Variants in LURAP1L observed in about 807,000 individuals in gnomAD.
LURAP1L encodes leucine rich adaptor protein 1 like.
Under a neutral mutation model 13.8 loss-of-function variants are expected in LURAP1L, and 12 were observed. The observed-to-expected ratio is 0.87, with a 90% CI of 0.56 to 1.41. LURAP1L has a LOEUF of 1.41. Ranked by LOEUF, LURAP1L falls within the 40% of genes most tolerant of loss-of-function variation. The pLI is 0.00. For missense variants in LURAP1L, 375 were observed against 292.9 expected (o/e 1.28, Z -2.04); for synonymous variants, 139 against 119.2 (o/e 1.17, Z -1.08).
chr9:12,786,973 A>G (rs1437281877), intron 1 of LURAP1L, among the ~76,000 whole-genome samples: 3 of 152,110 alleles, frequency 2.0e-5, no homozygotes, highest in African/African-American at 4.8e-5. Context: ...TGAGCAGAAT[A>G]AAGTTGTTAT....
intron 1 of LURAP1L, among the ~76,000 whole-genome samples, chr9:12,810,593 G>A (rs571939172): frequency 3.1e-4 from 47 of 152,188 alleles, no homozygotes; most frequent in African/African-American, 9.6e-4. Flanking sequence ...ATATTTATTA[G>A]ATAAATTAAT....
In LURAP1L at chr9:12,787,882, C is replaced by A. The variant is rs759383442; in HGVS notation, c.312+11855C>A. On this transcript the variant is annotated intron_variant, in intron 1 of 1. Coordinates refer to ENST00000319264, the MANE Select transcript of LURAP1L (RefSeq NM_203403.2). ...AATCCCAGCACTTTGGGGGTTGAGG[C>A]AGGTAGATCACTAGAAGTCAGGAAT... 1.1e-3 allele frequency among the ~76,000 whole-genome samples: 166 copies of A among 151,950 alleles called. 3 individuals carry two copies. Among genetic ancestry groups the A allele is most frequent in the Admixed American group, 3.3e-4 (5 of 15,228 alleles).
chr9:12,819,255 A>ATTG (rs1819842758), intron 1 of LURAP1L, among the ~76,000 whole-genome samples: 1 of 152,200 alleles, frequency 6.6e-6, no homozygotes, highest in Non-Finnish European at 1.5e-5. Context: ...GACTCAAGTC[A>ATTG]CTTCAGTATT....
intron 1 of LURAP1L, among the ~76,000 whole-genome samples, chr9:12,808,962 G>A (rs529723492): frequency 1.3e-5 from 2 of 152,260 alleles, no homozygotes; most frequent in African/African-American, 2.4e-5. Flanking sequence ...TGTACAGGAA[G>A]CAAGGTGCCA....
At chr9:12,781,500 C>T (rs1563885978) in intron 1 of LURAP1L, among the ~76,000 whole-genome samples, 1 of 152,168 alleles carries the variant, frequency 6.6e-6, no homozygotes, top group African/African-American at 2.4e-5. Context: ...ATAAGTGAGA[C>T]CACGCCAAGT....
intron 1 of LURAP1L, among the ~76,000 whole-genome samples, chr9:12,787,306 T>C (rs965836152): frequency 5.3e-5 from 8 of 152,160 alleles, no homozygotes; most frequent in Non-Finnish European, 8.8e-5. Flanking sequence ...TTCTGAGAAG[T>C]TCATGACGCA....
chr9:12,806,742 G>A (rs1273280537), intron 1 of LURAP1L, among the ~76,000 whole-genome samples: 4 of 151,000 alleles, frequency 2.6e-5, no homozygotes, highest in Non-Finnish European at 5.9e-5. Context: ...AGTAGGCCTA[G>A]AAAAAAAATA....
At chr9:12,795,555 T>C (rs1305048171) in intron 1 of LURAP1L, among the ~76,000 whole-genome samples, 1 of 152,008 alleles carries the variant, frequency 6.6e-6, no homozygotes, top group African/African-American at 2.4e-5. Flanking sequence ...GCGAGATTGA[T>C]TGAGACAGTT....
At chr9:12,794,017 T>C (rs943076649) in intron 1 of LURAP1L, among the ~76,000 whole-genome samples, 3 of 152,058 alleles carry the variant, frequency 2.0e-5, no homozygotes, top group African/African-American at 7.2e-5. Context: ...GTTGAAATGA[T>C]TATTGTTAGA....
chr9:12,801,470 G>A (rs1819584888), intron 1 of LURAP1L, among the ~76,000 whole-genome samples: 1 of 151,990 alleles, frequency 6.6e-6, no homozygotes, highest in South Asian at 2.1e-4. Context: ...GCATGTAAGT[G>A]TGTATTTTCT....
intron 1 of LURAP1L, 38 bp downstream of exon 1, chr9:12,776,065 G>T (rs1263344018): frequency 6.3e-7 from 1 of 1,594,536 alleles, no homozygotes; most frequent in South Asian, 1.1e-5. Flanking sequence ...CTGGGACCTG[G>T]GCTGGGCCAA....
chr9:12,799,649 G>C (rs1819557115), intron 1 of LURAP1L, among the ~76,000 whole-genome samples: 1 of 152,242 alleles, frequency 6.6e-6, no homozygotes, highest in Admixed American at 6.5e-5. Flanking sequence ...GGGAGGCCGA[G>C]GTGGATGGAT....
intron 1 of LURAP1L, 45 bp downstream of exon 1, chr9:12,776,072 C>A: frequency 6.4e-7 from 1 of 1,571,858 alleles, no homozygotes; most frequent in Non-Finnish European, 8.7e-7. Context: ...CTGGGCTGGG[C>A]CAAAAGATGG....
intron 1 of LURAP1L, among the ~76,000 whole-genome samples, chr9:12,818,796 T>C (rs1819836178): frequency 6.6e-6 from 1 of 152,170 alleles, no homozygotes; most frequent in Non-Finnish European, 1.5e-5. Context: ...GAGATGTGAA[T>C]AAATGCAGCC....
intron 1 of LURAP1L, among the ~76,000 whole-genome samples, chr9:12,779,146 A>T (rs567607715): frequency 1.3e-5 from 2 of 152,140 alleles, no homozygotes; most frequent in South Asian, 4.1e-4. Context: ...GGTAACTAAA[A>T]GCAAAGCCAT....
At chr9:12,795,783 C>A (rs1819504147) in intron 1 of LURAP1L, among the ~76,000 whole-genome samples, 1 of 151,926 alleles carries the variant, frequency 6.6e-6, no homozygotes, top group Non-Finnish European at 1.5e-5. Context: ...TCTTGGGTAC[C>A]AAACGGTCTC....
chr9:12,805,906 G>A (rs1034506159), intron 1 of LURAP1L, among the ~76,000 whole-genome samples: 2 of 152,164 alleles, frequency 1.3e-5, no homozygotes, highest in African/African-American at 2.4e-5. Context: ...TTAAACAAAT[G>A]TGGAACTTCC....
At chr9:12,792,132 C>A (rs568243201) in intron 1 of LURAP1L, among the ~76,000 whole-genome samples, 7 of 152,210 alleles carry the variant, frequency 4.6e-5, no homozygotes, top group African/African-American at 1.7e-4. Context: ...TCAGCCAGAG[C>A]TTCTGACCCA....
chr9:12,795,149 A>G lies in LURAP1L; in HGVS notation c.312+19122A>G, dbSNP rs114474360. 5.6e-3 allele frequency among the ~76,000 whole-genome samples: 848 copies of G among 152,090 alleles called. 14 individuals carry two copies. Among genetic ancestry groups the G allele is most frequent in the African/African-American group, 0.019 (791 of 41,544 alleles). On this transcript the variant is annotated intron_variant, in intron 1 of 1. Coordinates refer to ENST00000319264, the MANE Select transcript of LURAP1L (RefSeq NM_203403.2). ...TCAGTTTCTCAGACTTGCCCTGTGC[A>G]TTCTTGCCCCTTAACATTTGTAGAT...
Sources: allele counts gnomAD v4.1 joint callset (sites outside exome capture counted in the v4.1 genomes callset), GRCh38; gene constraint gnomAD v4.1.1; transcripts MANE v1.5; gene names NCBI Gene and HGNC (gene_info 2026-07-23, HGNC 2026-07-21).